GDAP1: variants seen among roughly 807,000 people sequenced by gnomAD.
GDAP1 encodes the protein ganglioside induced differentiation associated protein 1.
Under a neutral mutation model 40.1 loss-of-function variants are expected in GDAP1, and 34 were observed. That is an observed-to-expected ratio of 0.85 (90% confidence interval 0.64 to 1.13). GDAP1 has a LOEUF of 1.13. GDAP1 is among the 50% of genes most tolerant of loss of function. GDAP1 has a pLI of 0.00. For synonymous variants in GDAP1, 170 were observed against 157.4 expected (o/e 1.08, Z -0.60); for missense variants, 374 against 433.7 (o/e 0.86, Z 1.22).
intron 2 of GDAP1, among the ~76,000 whole-genome samples, chr8:74,407,146 T>C (rs1241890722): frequency 1.3e-5 from 2 of 149,950 alleles, no homozygotes; most frequent in Non-Finnish European, 2.9e-5. Flanking sequence ...TCAGAAAAAT[T>C]GTGATCTGGG....
In GDAP1 at chr8:74,360,040, AAATGTT is replaced by A. The variant is rs200247803; in HGVS notation, c.311-92_311-87del. The A allele has an allele frequency of 4.7e-3, 4,030 of 853,350 alleles. 179 individuals are homozygous for A. In the Admixed American group the frequency reaches 0.072, roughly 15 times the overall value. 52.9% of individuals were successfully genotyped at this position (853,350 alleles called of 1,614,324 possible). ...TTTTTTGAATATACAGATATGTTGA[AAATGTT>A]AATGATGAGTGGATAGTGTTTTTGT... On this transcript the variant is annotated intron_variant, in intron 2 of 5. Coordinates refer to ENST00000220822, the MANE Select transcript of GDAP1 (RefSeq NM_018972.4).
chr8:74,439,987 T>C (rs910013357), intron 2 of GDAP1, among the ~76,000 whole-genome samples: 38 of 152,318 alleles, frequency 2.5e-4, no homozygotes, highest in African/African-American at 8.4e-4. Flanking sequence ...ATATCTACTT[T>C]GGAGTATCTA....
Position 74,366,490 on chromosome 8 carries a change from TCAA to T in GDAP1, c.*2124_*2126del. Reference sequence around the variant, plus strand: ...AAAGGGATTACAGTATCACACAATGTCAAGCTAGAGTTAAACACAGTATTAGCT... The same window carrying T: ...AAAGGGATTACAGTATCACACAATGTGCTAGAGTTAAACACAGTATTAGCT... On this transcript the variant is annotated 3_prime_UTR_variant, in exon 6 of 6. Coordinates refer to ENST00000220822, the MANE Select transcript of GDAP1 (RefSeq NM_018972.4). 1 of 454,462 alleles carries T rather than the reference TCAA, an allele frequency of 2.2e-6. No homozygotes were observed. The highest frequency in any genetic ancestry group is 2.0e-5 in the African/African-American group (1 of 50,126). 28.2% of individuals were successfully genotyped at this position (454,462 alleles called of 1,614,324 possible).
At chr8:74,395,082 G>A (rs1467757948) in intron 2 of GDAP1, among the ~76,000 whole-genome samples, 1 of 152,138 alleles carries the variant, frequency 6.6e-6, no homozygotes, top group East Asian at 1.9e-4. Flanking sequence ...TGAATCCACA[G>A]TGCTTATTTC....
chr8:74,422,616 T>G (rs900980883), intron 2 of GDAP1, among the ~76,000 whole-genome samples: 10 of 151,586 alleles, frequency 6.6e-5, no homozygotes, highest in African/African-American at 2.2e-4. Context: ...TGAACCGTTT[T>G]GATGAAGCAC....
At chr8:74,439,046 G>GTT (rs2131570298) in intron 2 of GDAP1, among the ~76,000 whole-genome samples, 1 of 151,914 alleles carries the variant, frequency 6.6e-6, no homozygotes, top group Admixed American at 6.6e-5. Flanking sequence ...ATGTGTGTGT[G>GTT]TGTGTGTGTG....
intron 2 of GDAP1, among the ~76,000 whole-genome samples, chr8:74,487,349 T>C (rs1483458926): frequency 6.6e-6 from 1 of 152,136 alleles, no homozygotes; most frequent in African/African-American, 2.4e-5. Flanking sequence ...TCTAAAACAT[T>C]AATTCATAGC....
chr8:74,355,611 C>T (rs993606719), intron 2 of GDAP1, among the ~76,000 whole-genome samples: 2 of 152,170 alleles, frequency 1.3e-5, no homozygotes, highest in African/African-American at 4.8e-5. Flanking sequence ...TGAATGTACA[C>T]ACAAATGTGG....
chr8:74,402,294 A>T (rs1810358312), intron 2 of GDAP1, among the ~76,000 whole-genome samples: 1 of 150,306 alleles, frequency 6.7e-6, no homozygotes, highest in Non-Finnish European at 1.5e-5. Flanking sequence ...GCCACCTTGC[A>T]GTTTGATCTC....
Position 74,450,224 on chromosome 8 carries a change from G to A in GDAP1, c.166-38454G>A, listed in dbSNP as rs183589807. 5.0e-3 allele frequency among the ~76,000 whole-genome samples: 756 copies of A among 151,408 alleles called. 4 individuals carry two copies. Among genetic ancestry groups the A allele is most frequent in the African/African-American group, 0.018 (726 of 41,338 alleles). On this transcript the variant is annotated intron_variant, in intron 2 of 2. Coordinates refer to the GDAP1 transcript ENST00000523640. ...TGTTCTGTAAGATTTTAATCTTTGG[G>A]CATTTATTAAGATGTATTACATTTA... is the stretch of plus-strand genomic sequence containing the variant.
intron 2 of GDAP1, among the ~76,000 whole-genome samples, chr8:74,387,153 C>T (rs1427106581): frequency 6.6e-6 from 1 of 152,204 alleles, no homozygotes; most frequent in African/African-American, 2.4e-5. Context: ...TTCTCTCTCC[C>T]TATTTGAATA....
Position 74,366,537 on chromosome 8 carries a change from ATT to A in GDAP1, c.*2173_*2174del. 1 of 453,976 alleles carries A rather than the reference ATT, an allele frequency of 2.2e-6. No homozygotes were observed. Among genetic ancestry groups the A allele is most frequent in the East Asian group, 6.9e-5 (1 of 14,400 alleles). 28.1% of individuals were successfully genotyped at this position (453,976 alleles called of 1,614,324 possible). On this transcript the variant is annotated 3_prime_UTR_variant, in exon 6 of 6. Transcript: ENST00000220822. ...ATTAGCTAAATAGGCACTTATGTGT[ATT>A]TTCTTTTTCATGATTATCGGTGACT... is the stretch of plus-strand genomic sequence containing the variant.
At chr8:74,466,590 C>A (rs1806472748) in intron 2 of GDAP1, among the ~76,000 whole-genome samples, 2 of 152,058 alleles carry the variant, frequency 1.3e-5, no homozygotes, top group South Asian at 4.1e-4. Flanking sequence ...TTGTGGAGGA[C>A]AGATCAAGGA....
chr8:74,436,536 C>T (rs1433131862), intron 2 of GDAP1, among the ~76,000 whole-genome samples: 2 of 151,844 alleles, frequency 1.3e-5, no homozygotes, highest in African/African-American at 4.8e-5. Flanking sequence ...GATTCCCCTG[C>T]CTCAGCCTCC....
intron 2 of GDAP1, among the ~76,000 whole-genome samples, chr8:74,424,730 G>A (rs977986109): frequency 6.6e-5 from 10 of 152,150 alleles, no homozygotes; most frequent in Non-Finnish European, 1.3e-4. Context: ...CTGAGAGGGT[G>A]TTCATAGGCT....
At chr8:74,387,280 C>T (rs1483419017) in intron 2 of GDAP1, among the ~76,000 whole-genome samples, 1 of 152,196 alleles carries the variant, frequency 6.6e-6, no homozygotes, top group Non-Finnish European at 1.5e-5. Flanking sequence ...GGACTGCTTC[C>T]AGCTTTTGCC....
intron 2 of GDAP1, among the ~76,000 whole-genome samples, chr8:74,401,661 GT>G (rs1185491871): frequency 1.3e-5 from 2 of 149,570 alleles, no homozygotes; most frequent in Non-Finnish European, 2.9e-5. Flanking sequence ...TTTCTGCTCC[GT>G]TTTTTTCCCC....
At chr8:74,429,246 G>A (rs1392235828) in intron 2 of GDAP1, among the ~76,000 whole-genome samples, 1 of 151,972 alleles carries the variant, frequency 6.6e-6, no homozygotes, top group African/African-American at 2.4e-5. Context: ...GGGATGGCTG[G>A]ATCAAATGGT....
chr8:74,388,484 G>T (rs965959800), intron 2 of GDAP1, among the ~76,000 whole-genome samples: 2 of 152,144 alleles, frequency 1.3e-5, no homozygotes, highest in South Asian at 4.1e-4. Context: ...ATGCAGTTGT[G>T]TGGTTTTGAG....
Sources: gnomAD v4.1 joint callset for allele counts (sites outside exome capture counted in the v4.1 genomes callset) on GRCh38, gnomAD v4.1.1 for gene constraint, MANE v1.5 for transcripts, NCBI Gene and HGNC (gene_info 2026-07-23, HGNC 2026-07-21) for gene names.